TMEM38B: variants seen among roughly 807,000 people sequenced by gnomAD.
TMEM38B encodes the protein trimeric intracellular cation channel type B.
TMEM38B carries 24 observed loss-of-function variants against 28.7 expected under a neutral mutation model. The observed-to-expected ratio is 0.84, with a 90% CI of 0.61 to 1.18. TMEM38B has a LOEUF of 1.18. Ranked by LOEUF, TMEM38B falls within the 50% of genes most tolerant of loss-of-function variation. The pLI is 0.00. For synonymous variants in TMEM38B, 131 were observed against 127.7 expected, an observed-to-expected ratio of 1.03 and a Z score of -0.17; for missense variants, 380 against 350.9, an observed-to-expected ratio of 1.08 and a Z score of -0.66.
chr9:105,696,521 T>C (rs1382666354), intron 1 of TMEM38B, among the ~76,000 whole-genome samples: 1 of 152,194 alleles, frequency 6.6e-6, no homozygotes, highest in Non-Finnish European at 1.5e-5. Flanking sequence ...ATTATTTATG[T>C]TAACATTTAA....
At chr9:105,710,501 G>C in intron 2 of TMEM38B, 1 of 1,335,756 alleles carries the variant, frequency 7.5e-7, no homozygotes, top group Non-Finnish European at 1.1e-6. Flanking sequence ...CATCTGATTT[G>C]GTGTCTTCCG....
chr9:105,759,436 A>G lies in TMEM38B; in HGVS notation c.660+11246A>G, dbSNP rs564450088. 4.5e-6 allele frequency: 7 copies of G among 1,559,362 alleles called. No individual in the cohort carries two copies. The African/African-American group carries it at 8.2e-5, about 18-fold the overall frequency. On this transcript the variant is annotated intron_variant, in intron 5 of 5. Coordinates refer to ENST00000374692, the MANE Select transcript of TMEM38B (RefSeq NM_018112.3). Reference sequence around the variant, plus strand: ...GATAAGCAATCCAGGATTTCAAGAAAGATGTGCTAAGAAAATGCAGCTAGT... The same window carrying G: ...GATAAGCAATCCAGGATTTCAAGAAGGATGTGCTAAGAAAATGCAGCTAGT...
At chr9:105,766,627 T>G (rs933502759) in intron 5 of TMEM38B, among the ~76,000 whole-genome samples, 3 of 152,154 alleles carry the variant, frequency 2.0e-5, no homozygotes, top group Non-Finnish European at 4.4e-5. Flanking sequence ...TACTAGATTT[T>G]CCTTTCATGG....
At chr9:105,697,378 A>C (rs1187212139) in intron 1 of TMEM38B, among the ~76,000 whole-genome samples, 1 of 152,254 alleles carries the variant, frequency 6.6e-6, no homozygotes, top group East Asian at 1.9e-4. Context: ...GAATTCAGAC[A>C]CAAGAGTGAA....
At chr9:105,723,063 A>G (rs1490050194) in intron 4 of TMEM38B, among the ~76,000 whole-genome samples, 1 of 152,240 alleles carries the variant, frequency 6.6e-6, no homozygotes, top group African/African-American at 2.4e-5. Flanking sequence ...GGATCAAATC[A>G]ATACATTATC....
intron 5 of TMEM38B, among the ~76,000 whole-genome samples, chr9:105,752,332 C>T (rs1337615110): frequency 6.6e-6 from 1 of 152,302 alleles, no homozygotes; most frequent in South Asian, 2.1e-4. Flanking sequence ...AGCCAGACTG[C>T]TTTTTTAAGC....
At chr9:105,711,215 C>T (rs562633535) in intron 2 of TMEM38B, among the ~76,000 whole-genome samples, 2 of 149,624 alleles carry the variant, frequency 1.3e-5, no homozygotes, top group East Asian at 2.0e-4. Flanking sequence ...CCGAGGTGGG[C>T]GGATCACCTG....
At chr9:105,727,183 G>A (rs1836547800) in intron 4 of TMEM38B, among the ~76,000 whole-genome samples, 1 of 152,036 alleles carries the variant, frequency 6.6e-6, no homozygotes, top group Non-Finnish European at 1.5e-5. Flanking sequence ...CTACATGTGT[G>A]CTTCTTTGTA....
intron 1 of TMEM38B, among the ~76,000 whole-genome samples, chr9:105,704,091 G>A (rs1370161685): frequency 6.7e-6 from 1 of 150,072 alleles, no homozygotes; most frequent in African/African-American, 2.5e-5. Context: ...GTGGGGTAGG[G>A]GGAGGGGGGA....
intron 4 of TMEM38B, among the ~76,000 whole-genome samples, chr9:105,733,414 C>CTTTTTT (rs1238601451): frequency 1.4e-4 from 17 of 123,842 alleles, no homozygotes; most frequent in African/African-American, 6.1e-4. Flanking sequence ...TTGCAGTTTT[C>CTTTTTT]TTTTTTCTTT....
intron 5 of TMEM38B, among the ~76,000 whole-genome samples, chr9:105,753,455 A>G (rs1204084887): frequency 6.6e-6 from 1 of 152,216 alleles, no homozygotes; most frequent in Non-Finnish European, 1.5e-5. Flanking sequence ...CCAGCAGACT[A>G]ACAGTGGACC....
In TMEM38B at chr9:105,721,640, A is replaced by T; in HGVS notation, c.373A>T (p.Lys125Ter). The change falls in exon 3 of 6, where the codon AAA (lysine) becomes TAA (stop). Residue 125 changes from lysine to a stop codon, truncating the protein, a stop_gained. Transcript: ENST00000374692. LOFTEE classifies it high-confidence loss of function. ...AATGAAGGAAGTGACCAGAACTTGG[A>T]AAATAGTAGGTGGAGTCACACATGC... Reference protein sequence around the residue: ...SGMKEVTRTWKIVGGVTHANS... With the variant: ...SGMKEVTRTW 1 of 1,613,730 alleles carries T rather than the reference A, an allele frequency of 6.2e-7. No individual in the cohort carries two copies. The highest frequency in any genetic ancestry group is 8.5e-7 in the Non-Finnish European group (1 of 1,179,738).
intron 4 of TMEM38B, among the ~76,000 whole-genome samples, chr9:105,744,917 T>A (rs1837334824): frequency 1.3e-5 from 2 of 152,230 alleles, no homozygotes; most frequent in Non-Finnish European, 2.9e-5. Flanking sequence ...GGACATGAAC[T>A]GATCATTTTT....
At chr9:105,747,244 C>G (rs1005751394) in intron 4 of TMEM38B, among the ~76,000 whole-genome samples, 1 of 152,208 alleles carries the variant, frequency 6.6e-6, no homozygotes, top group Non-Finnish European at 1.5e-5. Flanking sequence ...ATTATTGCCT[C>G]AATTTCAGAG....
chr9:105,709,393 A>G (rs571694848), intron 2 of TMEM38B, among the ~76,000 whole-genome samples: 80 of 152,346 alleles, frequency 5.3e-4, no homozygotes, highest in African/African-American at 1.9e-3. Flanking sequence ...TAACCACACA[A>G]TTACTTATCT....
intron 4 of TMEM38B, among the ~76,000 whole-genome samples, chr9:105,745,893 A>T (rs1396103217): frequency 2.6e-5 from 4 of 151,982 alleles, no homozygotes; most frequent in African/African-American, 9.7e-5. Context: ...ATAGTTGTAG[A>T]TGTGTGGTAT....
intron 5 of TMEM38B, chr9:105,760,348 C>T (rs1284048567): frequency 2.6e-6 from 2 of 767,972 alleles, no homozygotes; most frequent in Non-Finnish European, 4.8e-6. Context: ...CTTACTGGAT[C>T]ATCATCAGGA....
rs10978221 is a variant in TMEM38B at position 105,726,530 on chromosome 9, A to G, written c.542+3909A>G. Among the ~76,000 whole-genome samples the G allele has an allele frequency of 7.6e-4, 116 of 152,274 alleles. 1 individual carries two copies. The East Asian group carries it at 0.019, about 25-fold the overall frequency. ...GTCCCACTTGAAGGTCTTAGGGGCA[A>G]TAATGCACATGGAGCTTTCATCTCC... On this transcript the variant is annotated intron_variant, in intron 4 of 5. Coordinates refer to ENST00000374692, the MANE Select transcript of TMEM38B (RefSeq NM_018112.3).
chr9:105,728,764 C>T (rs993999582), intron 4 of TMEM38B, among the ~76,000 whole-genome samples: 3 of 152,134 alleles, frequency 2.0e-5, no homozygotes, highest in African/African-American at 7.2e-5. Context: ...TTTTAATGAT[C>T]GCCCTTCTGA....
Sources: allele counts gnomAD v4.1 joint callset (sites outside exome capture counted in the v4.1 genomes callset), GRCh38; gene constraint gnomAD v4.1.1; transcripts MANE v1.5; gene names NCBI Gene and HGNC (gene_info 2026-07-23, HGNC 2026-07-21).